The following EYA3 variants were observed in gnomAD, a reference collection of about 807,000 sequenced individuals.
EYA3 encodes the protein EYA transcriptional coactivator and phosphatase 3.
A neutral mutation model predicts 80.0 loss-of-function variants in EYA3; 39 were observed. The observed-to-expected ratio is 0.49, with a 90% CI of 0.38 to 0.64. The LOEUF (loss-of-function observed/expected upper bound fraction) is 0.64. Ranked by LOEUF, EYA3 falls within the 30% of genes least tolerant of loss-of-function variation. The pLI is 0.00. For missense variants in EYA3, 523 were observed against 676.1 expected, an observed-to-expected ratio of 0.77 and a Z score of 2.51; for synonymous variants, 206 against 232.8, an observed-to-expected ratio of 0.88 and a Z score of 1.05.
chr1:27,996,170 G>T (rs1640444016), intron 13 of EYA3, among the ~76,000 whole-genome samples: 1 of 152,216 alleles, frequency 6.6e-6, no homozygotes, highest in Non-Finnish European at 1.5e-5. Context: ...ACTGCATCTG[G>T]CCATTTAACT....
chr1:28,018,861 G>C (rs565726091), intron 7 of EYA3, among the ~76,000 whole-genome samples: 4 of 152,264 alleles, frequency 2.6e-5, no homozygotes, highest in African/African-American at 9.6e-5. Flanking sequence ...AGCTAAGCTA[G>C]GGTTCAAATT....
At position 28,045,500 on chromosome 1, in the gene EYA3, G is replaced by T. The variant is rs570469775; in HGVS notation, c.78-2850C>A. ...TAGATCTTATATTTTAGAAGTTGGT[G>T]ATATTGCTATGATCCAGTATCCACT... On this transcript the variant is annotated intron_variant, in intron 3 of 17. Transcript: ENST00000373871. Among the ~76,000 whole-genome samples, 11 of 152,162 alleles carry T rather than the reference G, an allele frequency of 7.2e-5. No homozygotes were observed. In the South Asian group the frequency reaches 2.1e-3, roughly 29 times the overall value.
At chr1:28,012,374 A>G (rs1213827722) in intron 9 of EYA3, among the ~76,000 whole-genome samples, 2 of 152,220 alleles carry the variant, frequency 1.3e-5, no homozygotes, top group African/African-American at 4.8e-5. Context: ...AGTGGCGACC[A>G]TTTGTATGTC....
At chr1:28,056,285 A>G (rs79013113) in intron 2 of EYA3, among the ~76,000 whole-genome samples, 1,828 of 152,028 alleles carry the variant, frequency 0.012, 35 homozygotes, top group African/African-American at 0.042. Context: ...ACAGGCCACA[A>G]AGCCTGAAGA....
intron 1 of EYA3, among the ~76,000 whole-genome samples, chr1:28,069,596 G>A (rs1263561140): frequency 6.7e-6 from 1 of 150,158 alleles, no homozygotes; most frequent in East Asian, 1.9e-4. Flanking sequence ...AAAAGAGGGT[G>A]GGAGGGAAAG....
intron 14 of EYA3, among the ~76,000 whole-genome samples, chr1:27,991,763 C>T (rs1557535722): frequency 6.6e-6 from 1 of 151,238 alleles, no homozygotes; most frequent in Non-Finnish European, 1.5e-5. Flanking sequence ...TTGTACAAAA[C>T]ATACAGCTGG....
In EYA3 at chr1:28,036,163, G is replaced by A. The variant is rs145921374; in HGVS notation, c.225-483C>T. 3.3e-3 allele frequency among the ~76,000 whole-genome samples: 501 copies of A among 152,208 alleles called. 3 individuals are homozygous for A. The highest frequency in any genetic ancestry group is 5.5e-3 in the Non-Finnish European group (374 of 68,026). ...AGTAGAAGTCTTTCCTCCTTTCTAC[G>A]TTCTCCTATCATCAACCCAAGGAAC... On this transcript the variant is annotated intron_variant, in intron 5 of 17. Coordinates refer to ENST00000373871, the MANE Select transcript of EYA3 (RefSeq NM_001990.4).
chr1:28,076,737 C>CTTTTT (rs1024335865), intron 1 of EYA3, among the ~76,000 whole-genome samples: 7 of 115,102 alleles, frequency 6.1e-5, no homozygotes, highest in South Asian at 3.1e-4. Context: ...TTTATAATTT[C>CTTTTT]TTTTTTTTTT....
At position 27,971,816 on chromosome 1, in the gene EYA3, A is replaced by AG. The variant is rs770504653; in HGVS notation, c.*2649dup. ...TTTGTGTTGGGGTGGAGAAAAAGGC[A>AG]GGGTAATTACAGAGAGCACTGTGTT... On this transcript the variant is annotated 3_prime_UTR_variant, in exon 18 of 18. Coordinates refer to ENST00000373871, the MANE Select transcript of EYA3 (RefSeq NM_001990.4). The AG allele has an allele frequency of 6.6e-6, 1 of 152,168 alleles. No homozygotes were observed. The highest frequency in any genetic ancestry group is 1.5e-5 in the Non-Finnish European group (1 of 68,054). 9.4% of individuals were successfully genotyped at this position (152,168 alleles called of 1,614,324 possible).
intron 1 of EYA3, among the ~76,000 whole-genome samples, chr1:28,078,707 G>A (rs1190234359): frequency 6.6e-6 from 1 of 151,954 alleles, no homozygotes; most frequent in African/African-American, 2.4e-5. Flanking sequence ...ACCATGCCCA[G>A]GTAATACATT....
At chr1:28,047,054 G>GCCCAT (rs1423293546) in intron 3 of EYA3, among the ~76,000 whole-genome samples, 2 of 151,832 alleles carry the variant, frequency 1.3e-5, no homozygotes, top group Non-Finnish European at 2.9e-5. Flanking sequence ...TTGCTATGTC[G>GCCCAT]CCCAGGCTGG....
intron 14 of EYA3, among the ~76,000 whole-genome samples, chr1:27,991,027 T>G (rs977161305): frequency 2.0e-5 from 3 of 152,132 alleles, no homozygotes; most frequent in African/African-American, 7.2e-5. Flanking sequence ...AGAAATAATT[T>G]AGATTCTGGT....
intron 7 of EYA3, among the ~76,000 whole-genome samples, chr1:28,027,088 CAGATG>C (rs1241032412): frequency 6.6e-6 from 1 of 152,036 alleles, no homozygotes; most frequent in Middle Eastern, 3.2e-3. Context: ...AGAAAAGAGG[CAGATG>C]AGAAGCCAGG....
intron 3 of EYA3, among the ~76,000 whole-genome samples, chr1:28,047,237 A>G (rs1316427165): frequency 6.6e-6 from 1 of 151,742 alleles, no homozygotes; most frequent in Non-Finnish European, 1.5e-5. Flanking sequence ...GGTTCAAGCC[A>G]TTCTCCTGCC....
rs1225978355 is a variant in EYA3, at chr1:27,972,676, G to C, written c.*1790C>G. 16 of 152,244 alleles carry C rather than the reference G, an allele frequency of 1.1e-4. No homozygotes were observed. Among genetic ancestry groups the C allele is most frequent in the Admixed American group, 7.2e-4 (11 of 15,286 alleles). The allele number at this position is 152,244 out of a possible 1,614,324, so 9.4% of individuals were successfully genotyped here. ...TGAGGTGCTTGTATCATCTCTCTCT[G>C]TGTAGCCTGGGAGAGGCTGAACTTC... On this transcript the variant is annotated 3_prime_UTR_variant, in exon 18 of 18. Coordinates refer to ENST00000373871, the MANE Select transcript of EYA3 (RefSeq NM_001990.4).
In EYA3 at chr1:27,974,385, G is replaced by T; in HGVS notation, c.*81C>A. ...AGAGACACAGAGAGAGACAGACAGA[G>T]AAAGTTCTCAGTTGGTTCCAGTCTC... On this transcript the variant is annotated 3_prime_UTR_variant, in exon 18 of 18. Transcript: ENST00000373871. 1.0e-6 allele frequency: 1 copy of T among 996,350 alleles called. No homozygotes were observed. The highest frequency in any genetic ancestry group is 1.6e-5 in the African/African-American group (1 of 61,888). 61.7% of individuals were successfully genotyped at this position (996,350 alleles called of 1,614,324 possible).
In EYA3 at chr1:27,978,369, G is replaced by T. The variant is rs1259533455; in HGVS notation, c.1641+5C>A. ...ACATAGACTATTTTTCTTTACCATG[G>T]TTACCTGTTTGGCTGCAATTTCTTC... is the stretch of plus-strand genomic sequence containing the variant. On this transcript the variant is annotated splice_donor_5th_base_variant and intron_variant, in intron 17 of 17. Transcript: ENST00000373871. 3 of 1,609,456 alleles carry T rather than the reference G, an allele frequency of 1.9e-6. No individual in the cohort carries two copies. The highest frequency in any genetic ancestry group is 2.7e-5 in the African/African-American group (2 of 74,738).
rs367588232 is a variant in EYA3, at chr1:28,076,987, C to A, written c.-69+11537G>T. Among the ~76,000 whole-genome samples the A allele has an allele frequency of 2.4e-4, 36 of 150,190 alleles. No homozygotes were observed. In the South Asian group the frequency reaches 7.6e-3, roughly 32 times the overall value. ...AACTTCTGACCTCAGGTGATCCACC[C>A]GCCTCAGCCTCCCAAAGTGCTGGGA... is the stretch of plus-strand genomic sequence containing the variant. On this transcript the variant is annotated intron_variant, in intron 1 of 17. Transcript: ENST00000373871.
At chr1:28,011,777 C>T (rs1317986981) in intron 9 of EYA3, among the ~76,000 whole-genome samples, 1 of 152,010 alleles carries the variant, frequency 6.6e-6, no homozygotes, top group Non-Finnish European at 1.5e-5. Context: ...CACAAAATAC[C>T]CATAATTACC....
Sources: gnomAD v4.1 joint callset for allele counts (sites outside exome capture counted in the v4.1 genomes callset) on GRCh38, gnomAD v4.1.1 for gene constraint, MANE v1.5 for transcripts, NCBI Gene and HGNC (gene_info 2026-07-23, HGNC 2026-07-21) for gene names.